NRG3: variants seen among roughly 807,000 people sequenced by gnomAD.
NRG3 encodes neuregulin 3.
A neutral mutation model predicts 66.9 loss-of-function variants in NRG3; 31 were observed. The ratio of observed to expected loss-of-function variants is 0.46; its 90% CI spans 0.35 to 0.63. The LOEUF is 0.63. Ranked by LOEUF, NRG3 falls within the 20% of genes least tolerant of loss-of-function variation. The probability of loss-of-function intolerance (pLI) is 0.00; values close to 1 mark genes in which losing one functional copy is unlikely to be tolerated. For synonymous variants in NRG3, 393 were observed against 359.4 expected (o/e 1.09, Z -1.06); for missense variants, 910 against 878.9 (o/e 1.04, Z -0.45).
At chr10:82,125,281 A>G (rs2068364790) in intron 1 of NRG3, among the ~76,000 whole-genome samples, 1 of 151,880 alleles carries the variant, frequency 6.6e-6, no homozygotes, top group Non-Finnish European at 1.5e-5. Flanking sequence ...GTGTGTTTCC[A>G]AAAGTAGTTT....
intron 2 of NRG3, among the ~76,000 whole-genome samples, chr10:82,533,501 T>C (rs1794715741): frequency 1.4e-5 from 2 of 143,030 alleles, no homozygotes; most frequent in Admixed American, 1.4e-4. Context: ...TTCCTTCTTT[T>C]GCATGGGAAT....
chr10:82,099,020 C>T (rs891414718), intron 1 of NRG3, among the ~76,000 whole-genome samples: 1 of 152,188 alleles, frequency 6.6e-6, no homozygotes, highest in Non-Finnish European at 1.5e-5. Flanking sequence ...CCGCATTGAC[C>T]TCCCAAAGTG....
intron 1 of NRG3, among the ~76,000 whole-genome samples, chr10:82,344,883 G>A (rs1240570230): frequency 8.4e-6 from 1 of 118,550 alleles, no homozygotes; most frequent in Non-Finnish European, 1.5e-5. Flanking sequence ...GTCCGTTCAT[G>A]TCCTTCGCCC....
intron 2 of NRG3, among the ~76,000 whole-genome samples, chr10:82,494,434 T>C (rs1465424670): frequency 1.3e-5 from 2 of 152,144 alleles, no homozygotes; most frequent in Non-Finnish European, 1.5e-5. Context: ...ATATGTAAAT[T>C]CCTTCCACTA....
intron 2 of NRG3, among the ~76,000 whole-genome samples, chr10:82,445,026 C>G (rs2090639207): frequency 6.6e-6 from 1 of 152,170 alleles, no homozygotes; most frequent in African/African-American, 2.4e-5. Context: ...GCTACAGAGA[C>G]AGTTGAGATG....
chr10:82,373,702 G>T (rs1192371132), intron 2 of NRG3, among the ~76,000 whole-genome samples: 1 of 152,138 alleles, frequency 6.6e-6, no homozygotes, highest in African/African-American at 2.4e-5. Flanking sequence ...TTTAAATAAG[G>T]TCATAATTTT....
intron 4 of NRG3, among the ~76,000 whole-genome samples, chr10:82,919,754 C>A (rs1846242708): frequency 6.6e-6 from 1 of 152,036 alleles, no homozygotes; most frequent in Admixed American, 6.6e-5. Flanking sequence ...GTGAAGAATA[C>A]CATAATTTGT....
At chr10:82,502,203 A>G (rs1790239225) in intron 2 of NRG3, among the ~76,000 whole-genome samples, 2 of 152,174 alleles carry the variant, frequency 1.3e-5, no homozygotes, top group Non-Finnish European at 2.9e-5. Flanking sequence ...TTAGCAATCT[A>G]AAAGTCTCTA....
intron 2 of NRG3, among the ~76,000 whole-genome samples, chr10:82,502,350 A>C (rs988569585): frequency 1.3e-5 from 2 of 152,120 alleles, no homozygotes; most frequent in African/African-American, 4.8e-5. Flanking sequence ...TCAATAAAAA[A>C]ATCAGTTTAG....
intron 4 of NRG3, among the ~76,000 whole-genome samples, chr10:82,949,092 A>G (rs985949549): frequency 1.3e-5 from 2 of 152,066 alleles, no homozygotes; most frequent in Non-Finnish European, 2.9e-5. Flanking sequence ...GAGAGTTTTA[A>G]TCAAGAATGA....
chr10:82,511,343 A>T (rs866784108), intron 2 of NRG3, among the ~76,000 whole-genome samples: 4 of 152,212 alleles, frequency 2.6e-5, no homozygotes, highest in Non-Finnish European at 4.4e-5. Context: ...CAGTGGTTCA[A>T]GTTTATCCCA....
chr10:82,199,986 T>C (rs1403144430), intron 1 of NRG3, among the ~76,000 whole-genome samples: 1 of 151,878 alleles, frequency 6.6e-6, no homozygotes, highest in African/African-American at 2.4e-5. Context: ...TGGAGATTGG[T>C]TTATTCCTTC....
intron 4 of NRG3, among the ~76,000 whole-genome samples, chr10:82,890,437 A>C (rs1376612717): frequency 6.6e-6 from 1 of 152,162 alleles, no homozygotes; most frequent in Non-Finnish European, 1.5e-5. Context: ...TTAGCATTGT[A>C]TCACCCGAAC....
At chr10:82,136,781 G>T (rs967665468) in intron 1 of NRG3, among the ~76,000 whole-genome samples, 1 of 152,108 alleles carries the variant, frequency 6.6e-6, no homozygotes, top group Admixed American at 6.6e-5. Flanking sequence ...GGCTAGGGCT[G>T]GTATAAATGC....
intron 1 of NRG3, among the ~76,000 whole-genome samples, chr10:81,907,987 T>A (rs1463491479): frequency 1.3e-5 from 2 of 152,222 alleles, no homozygotes; most frequent in African/African-American, 4.8e-5. Context: ...TCATCTTTGC[T>A]AGATGCTTTA....
chr10:82,386,570 G>C (rs890537594), intron 2 of NRG3, among the ~76,000 whole-genome samples: 2 of 152,002 alleles, frequency 1.3e-5, no homozygotes, highest in East Asian at 3.9e-4. Flanking sequence ...TTTCTCTAAA[G>C]AAATCTTATC....
chr10:82,665,911 G>A (rs970646690), intron 2 of NRG3, among the ~76,000 whole-genome samples: 3 of 152,104 alleles, frequency 2.0e-5, no homozygotes, highest in South Asian at 2.1e-4. Context: ...TGCACAGGAT[G>A]AGTACAGTGG....
intron 2 of NRG3, among the ~76,000 whole-genome samples, chr10:82,728,301 T>G (rs2057716907): frequency 6.6e-6 from 1 of 152,138 alleles, no homozygotes; most frequent in Non-Finnish European, 1.5e-5. Flanking sequence ...AATCCCATCT[T>G]GAATTGTAAC....
intron 2 of NRG3, among the ~76,000 whole-genome samples, chr10:82,518,156 A>T (rs115832043): frequency 0.018 from 2,788 of 152,312 alleles, 101 homozygotes; most frequent in African/African-American, 0.063. Flanking sequence ...GAGGAGATAA[A>T]GTACCTAAAA....
Sources: gnomAD v4.1 joint callset for allele counts (sites outside exome capture counted in the v4.1 genomes callset) on GRCh38, gnomAD v4.1.1 for gene constraint, MANE v1.5 for transcripts, NCBI Gene and HGNC (gene_info 2026-07-23, HGNC 2026-07-21) for gene names.